IL6R: variants seen among roughly 807,000 people sequenced by gnomAD.
IL6R encodes the protein interleukin-6 receptor subunit alpha.
A neutral mutation model predicts 48.3 loss-of-function variants in IL6R; 38 were observed. That is an observed-to-expected ratio of 0.79 (90% CI 0.61 to 1.03). IL6R has a LOEUF of 1.03. Ranked by LOEUF, IL6R falls within the 50% of genes least tolerant of loss-of-function variation. The pLI is 0.00. For missense variants in IL6R, 534 were observed against 618.3 expected (o/e 0.86, Z 1.45); for synonymous variants, 264 against 256.2 (o/e 1.03, Z -0.29).
intron 6 of IL6R, among the ~76,000 whole-genome samples, chr1:154,437,192 G>T (rs891546860): frequency 5.3e-5 from 8 of 152,226 alleles, no homozygotes; most frequent in Admixed American, 4.6e-4. Flanking sequence ...CGCTTTCCAG[G>T]TTCATGCCAT....
chr1:154,453,328 G>C (rs937134189), intron 8 of IL6R, among the ~76,000 whole-genome samples: 7 of 152,260 alleles, frequency 4.6e-5, no homozygotes, highest in African/African-American at 1.7e-4. Flanking sequence ...GGAGAAACTT[G>C]TCTTTGCAGC....
intron 1 of IL6R, among the ~76,000 whole-genome samples, chr1:154,421,778 C>T: frequency 6.6e-6 from 1 of 152,220 alleles, no homozygotes; most frequent in East Asian, 1.9e-4. Flanking sequence ...TGTCACCATG[C>T]CCAGCTAATT....
rs867881689 is a variant in IL6R at position 154,405,639 on chromosome 1, G to T, written c.10G>T (p.Val4Phe). 3.8e-5 allele frequency: 58 copies of T among 1,533,084 alleles called. No homozygotes were observed. The African/African-American group carries it at 7.6e-4, about 20-fold the overall frequency. 95.0% of individuals were successfully genotyped at this position (1,533,084 alleles called of 1,614,324 possible). Residue 4 changes from valine to phenylalanine, a missense_variant, in exon 1 of 10, where the codon GTC becomes TTC. Transcript: ENST00000368485. The surrounding 1 kb of genome is among the most constrained non-coding windows in gnomAD (Gnocchi z 5.2). ...TAGCCGAGGAGGAAGCATGCTGGCCGTCGGCTGCGCGCTGCTGGCTGCCCT... is the reference window on the plus strand; with the variant it reads ...TAGCCGAGGAGGAAGCATGCTGGCCTTCGGCTGCGCGCTGCTGGCTGCCCT... MLA[V>F]GCALLAALLA...
chr1:154,440,209 TC>T (rs1415359961), intron 6 of IL6R, among the ~76,000 whole-genome samples: 1 of 152,148 alleles, frequency 6.6e-6, no homozygotes, highest in Non-Finnish European at 1.5e-5. Context: ...CAAGGTTTAT[TC>T]ATGTGGTATA....
chr1:154,414,304 A>T (rs1688207115), intron 1 of IL6R: 3 of 785,768 alleles, frequency 3.8e-6, no homozygotes, highest in Admixed American at 2.9e-5. Flanking sequence ...ATTGGAGGAA[A>T]CCTTGCACTG....
At chr1:154,451,910 C>G (rs963034427) in intron 8 of IL6R, among the ~76,000 whole-genome samples, 6 of 152,190 alleles carry the variant, frequency 3.9e-5, no homozygotes. Context: ...ATCTGTTCTT[C>G]TCCATCTTCC....
chr1:154,455,950 G>A (rs1048013245), intron 9 of IL6R, among the ~76,000 whole-genome samples: 1 of 151,780 alleles, frequency 6.6e-6, no homozygotes, highest in Non-Finnish European at 1.5e-5. Flanking sequence ...CCAGCTACTC[G>A]GGAAACTGAG....
intron 6 of IL6R, among the ~76,000 whole-genome samples, chr1:154,440,966 A>G (rs1689899304): frequency 6.6e-6 from 1 of 152,182 alleles, no homozygotes. Context: ...GGATCTTTTC[A>G]TGTGCTTCTT....
At chr1:154,423,260 A>AATATATAT (rs35079361) in intron 1 of IL6R, among the ~76,000 whole-genome samples, 1,100 of 85,422 alleles carry the variant, frequency 0.013, 68 homozygotes, top group African/African-American at 0.036. Context: ...TGTTTAATTA[A>AATATATAT]ATATATATAT....
chr1:154,405,359 T>C lies in IL6R; in HGVS notation c.-271T>C, dbSNP rs1443708614. On this transcript the variant is annotated 5_prime_UTR_variant, in exon 1 of 10. Transcript: ENST00000368485. The surrounding 1 kb of genome is among the most constrained non-coding windows in gnomAD (Gnocchi z 5.2). ...GAGTTCCTCAAATGTTTTCCTGCGTTGCCAGGACCGTCCGCCGCTCTGAGT... is the reference window on the plus strand; with the variant it reads ...GAGTTCCTCAAATGTTTTCCTGCGTCGCCAGGACCGTCCGCCGCTCTGAGT... 1 of 485,710 alleles carries C rather than the reference T, an allele frequency of 2.1e-6. No individual in the cohort carries two copies. The allele number at this position is 485,710 out of a possible 1,614,324, so 30.1% of individuals were successfully genotyped here.
At chr1:154,456,648 T>C (rs1690906447) in intron 9 of IL6R, among the ~76,000 whole-genome samples, 1 of 152,154 alleles carries the variant, frequency 6.6e-6, no homozygotes, top group Non-Finnish European at 1.5e-5. Flanking sequence ...TCACTAAGAC[T>C]GGAAACACCT....
At chr1:154,431,535 C>T (rs964288569) in intron 3 of IL6R, among the ~76,000 whole-genome samples, 3 of 152,114 alleles carry the variant, frequency 2.0e-5, no homozygotes, top group African/African-American at 7.2e-5. Flanking sequence ...TAGCATAGAA[C>T]AGTGATAACA....
At chr1:154,415,636 GC>G (rs1329285184) in intron 1 of IL6R, among the ~76,000 whole-genome samples, 1 of 152,210 alleles carries the variant, frequency 6.6e-6, no homozygotes, top group African/African-American at 2.4e-5. Context: ...TGTATGTGTA[GC>G]AAGCACTTAG....
chr1:154,450,076 T>A, intron 8 of IL6R, 96 bp downstream of exon 8: 1 of 773,420 alleles, frequency 1.3e-6, no homozygotes, highest in Non-Finnish European at 2.3e-6. Context: ...CGTCAGAGGA[T>A]CAATCACAGA....
intron 1 of IL6R, among the ~76,000 whole-genome samples, chr1:154,412,422 AT>A (rs1447423746): frequency 6.6e-6 from 1 of 151,538 alleles, no homozygotes; most frequent in Non-Finnish European, 1.5e-5. Flanking sequence ...CACCCGGCTA[AT>A]TTTTTTGTAT....
chr1:154,457,973 T>A (rs1408190289), intron 9 of IL6R, among the ~76,000 whole-genome samples: 1 of 146,880 alleles, frequency 6.8e-6, no homozygotes, highest in East Asian at 1.9e-4. Context: ...TTTTCTTTTT[T>A]TTTTTTTTTT....
intron 6 of IL6R, among the ~76,000 whole-genome samples, chr1:154,441,730 G>C (rs1249127527): frequency 6.6e-6 from 1 of 152,080 alleles, no homozygotes; most frequent in African/African-American, 2.4e-5. Flanking sequence ...CCACCCCAAG[G>C]ACCTTCAGCT....
chr1:154,436,065 G>A lies in IL6R; in HGVS notation c.904G>A (p.Glu302Lys). 3 of 1,613,034 alleles carry A rather than the reference G, an allele frequency of 1.9e-6. No individual in the cohort carries two copies. Among genetic ancestry groups the A allele is most frequent in the East Asian group, 2.2e-5 (1 of 44,868 alleles). ...LRAQEEFGQG[E>K]WSEWSPEAMG... ...TGCCCAGGAGGAGTTCGGGCAAGGC[G>A]AGTGGAGCGAGTGGAGCCCGGAGGC... Residue 302 changes from glutamate to lysine, a missense_variant, in exon 6 of 10, where the codon GAG (glutamate) becomes AAG (lysine). Transcript: ENST00000368485.
chr1:154,449,534 A>AAAG lies in IL6R; in HGVS notation c.997-373_997-371dup, dbSNP rs989337356. On this transcript the variant is annotated intron_variant, in intron 7 of 9. Transcript: ENST00000368485. ...ATTTCACAAAAAAACAAACAAAAAA[A>AAAG]AAGAAGTCTGTCCAAGGTGACATAG... Among the ~76,000 whole-genome samples the AAAG allele has an allele frequency of 1.6e-4, 24 of 152,252 alleles. No individual in the cohort carries two copies. The East Asian group carries it at 4.4e-3, about 28-fold the overall frequency.
Sources: gnomAD v4.1 joint callset for allele counts (sites outside exome capture counted in the v4.1 genomes callset) on GRCh38, gnomAD v4.1.1 for gene constraint, Gnocchi (gnomAD v3.1) non-coding constraint, MANE v1.5 for transcripts, NCBI Gene and HGNC (gene_info 2026-07-23, HGNC 2026-07-21) for gene names.